AGBL1: variants seen among roughly 807,000 people sequenced by gnomAD.
AGBL1 encodes the protein cytosolic carboxypeptidase 4.
Under a neutral mutation model 118.9 loss-of-function variants are expected in AGBL1, and 130 were observed. The observed-to-expected ratio is 1.09, with a 90% CI of 0.95 to 1.26. The LOEUF (loss-of-function observed/expected upper bound fraction) is 1.26. AGBL1 is among the 50% of genes most tolerant of loss of function. The pLI is 0.00. For missense variants in AGBL1, 1,584 were observed against 1,298.1 expected (o/e 1.22, Z -3.38); for synonymous variants, 555 against 478.9 (o/e 1.16, Z -2.08).
rs1451806387 is a variant in AGBL1 at position 86,986,285 on chromosome 15, T to C, written c.3222-1702T>C. On this transcript the variant is annotated intron_variant, in intron 23 of 24. Coordinates refer to the AGBL1 transcript ENST00000441037. ...TAAATTTAAAAAAGTTTATTTCTTC[T>C]ATTGTCTAGGTAAATTTTATAAAAA... 5.3e-5 allele frequency among the ~76,000 whole-genome samples: 8 copies of C among 152,346 alleles called. No homozygotes were observed. The East Asian group carries it at 1.5e-3, about 29-fold the overall frequency.
chr15:86,728,167 T>C (rs1422597512), intron 22 of AGBL1, among the ~76,000 whole-genome samples: 1 of 152,208 alleles, frequency 6.6e-6, no homozygotes, highest in Non-Finnish European at 1.5e-5. Context: ...ACCTATTTTA[T>C]AGATGTGATA....
intron 15 of AGBL1, among the ~76,000 whole-genome samples, chr15:86,277,859 A>C (rs1329002002): frequency 6.6e-6 from 1 of 152,214 alleles, no homozygotes; most frequent in Non-Finnish European, 1.5e-5. Context: ...GTGCACTCAC[A>C]CATATGTGCT....
chr15:86,083,948 T>G (rs1010518329), intron 1 of AGBL1, among the ~76,000 whole-genome samples: 1 of 152,224 alleles, frequency 6.6e-6, no homozygotes, highest in African/African-American at 2.4e-5. Flanking sequence ...AATTTTCCTT[T>G]AGATAGCAAA....
At chr15:86,149,452 A>T (rs1245541967) in intron 3 of AGBL1, among the ~76,000 whole-genome samples, 1 of 152,216 alleles carries the variant, frequency 6.6e-6, no homozygotes, top group Non-Finnish European at 1.5e-5. Context: ...GCAAATGGAA[A>T]GCAAAAAAAA....
chr15:86,954,716 G>A (rs1336883280), intron 23 of AGBL1, among the ~76,000 whole-genome samples: 3 of 152,056 alleles, frequency 2.0e-5, no homozygotes, highest in Non-Finnish European at 1.5e-5. Context: ...CACTCCCTGG[G>A]TGACAAGATC....
chr15:86,374,763 G>A (rs2081015983), intron 17 of AGBL1, among the ~76,000 whole-genome samples: 1 of 152,214 alleles, frequency 6.6e-6, no homozygotes, highest in African/African-American at 2.4e-5. Context: ...GCTTAGTTAA[G>A]AATGTGGCAC....
At chr15:86,156,259 A>T (rs1261007570) in intron 4 of AGBL1, among the ~76,000 whole-genome samples, 1 of 152,088 alleles carries the variant, frequency 6.6e-6, no homozygotes, top group Non-Finnish European at 1.5e-5. Flanking sequence ...GGAGCTCAGG[A>T]TGTCGGCAGA....
chr15:86,366,640 GTC>G (rs2080891544), intron 17 of AGBL1, among the ~76,000 whole-genome samples: 1 of 152,110 alleles, frequency 6.6e-6, no homozygotes, highest in African/African-American at 2.4e-5. Flanking sequence ...TATTTGTTCA[GTC>G]TCTGAACTAC....
chr15:86,131,656 T>G (rs916208404), intron 1 of AGBL1, among the ~76,000 whole-genome samples: 8 of 152,066 alleles, frequency 5.3e-5, no homozygotes, highest in Admixed American at 1.3e-4. Flanking sequence ...ATGGTAATAA[T>G]CATAATATTG....
intron 21 of AGBL1, among the ~76,000 whole-genome samples, chr15:86,617,734 C>T (rs1221518783): frequency 4.7e-5 from 7 of 150,428 alleles, no homozygotes; most frequent in Admixed American, 2.7e-4. Context: ...TTAATAATGG[C>T]AATTCTGTGT....
chr15:86,513,834 T>A (rs982492395), intron 18 of AGBL1, among the ~76,000 whole-genome samples: 2 of 152,118 alleles, frequency 1.3e-5, no homozygotes, highest in African/African-American at 4.8e-5. Flanking sequence ...GGTCAAATCT[T>A]ACTGCATTTC....
At chr15:86,272,313 C>T (rs1036786613) in intron 15 of AGBL1, among the ~76,000 whole-genome samples, 7 of 152,042 alleles carry the variant, frequency 4.6e-5, no homozygotes, top group African/African-American at 1.7e-4. Flanking sequence ...AAATGCATTC[C>T]AGCCATCTAG....
At chr15:86,924,771 G>A (rs531703477) in intron 23 of AGBL1, among the ~76,000 whole-genome samples, 20 of 151,834 alleles carry the variant, frequency 1.3e-4, no homozygotes, top group African/African-American at 4.6e-4. Context: ...CTCAAACTTT[G>A]GCCACATAAA....
intron 18 of AGBL1, among the ~76,000 whole-genome samples, chr15:86,404,063 C>T (rs1291986776): frequency 6.6e-6 from 1 of 152,140 alleles, no homozygotes; most frequent in African/African-American, 2.4e-5. Flanking sequence ...TCATTTTGGT[C>T]TATCAGGTCT....
At chr15:86,641,123 C>T (rs576839129) in intron 21 of AGBL1, among the ~76,000 whole-genome samples, 2 of 152,104 alleles carry the variant, frequency 1.3e-5, no homozygotes, top group African/African-American at 2.4e-5. Context: ...TTTAGGCTAT[C>T]GTACTACAAT....
chr15:86,569,088 C>A (rs968707102), intron 21 of AGBL1, among the ~76,000 whole-genome samples: 1 of 151,822 alleles, frequency 6.6e-6, no homozygotes, highest in Non-Finnish European at 1.5e-5. Flanking sequence ...TTTCCAAATG[C>A]CTGTTTTGCC....
At chr15:86,721,030 C>A (rs1484762539) in intron 22 of AGBL1, among the ~76,000 whole-genome samples, 1 of 152,092 alleles carries the variant, frequency 6.6e-6, no homozygotes, top group Admixed American at 6.5e-5. Flanking sequence ...CAAAAAAAGT[C>A]CAGGACCAGA....
chr15:86,205,935 C>G (rs1396333404), intron 5 of AGBL1, among the ~76,000 whole-genome samples: 1 of 152,156 alleles, frequency 6.6e-6, no homozygotes, highest in Non-Finnish European at 1.5e-5. Flanking sequence ...CCTATTAACT[C>G]GTCATTTACA....
At chr15:86,827,458 T>C (rs369431925) in intron 22 of AGBL1, among the ~76,000 whole-genome samples, 8 of 10,294 alleles carry the variant, frequency 7.8e-4, no homozygotes, top group African/African-American at 3.0e-3. Context: ...TGTATATATA[T>C]ATATATATAT....
Sources: gnomAD v4.1 joint callset for allele counts (sites outside exome capture counted in the v4.1 genomes callset) on GRCh38, gnomAD v4.1.1 for gene constraint, MANE v1.5 for transcripts, NCBI Gene and HGNC (gene_info 2026-07-23, HGNC 2026-07-21) for gene names.